GLRA1: variants seen among roughly 807,000 people sequenced by gnomAD.
GLRA1 encodes glycine receptor alpha 1.
A neutral mutation model predicts 48.3 loss-of-function variants in GLRA1; 37 were observed. The observed-to-expected ratio is 0.77, with a 90% CI of 0.59 to 1.01. The LOEUF (loss-of-function observed/expected upper bound fraction) is 1.01. GLRA1 is among the 50% of genes least tolerant of loss of function. The pLI is 0.00. For synonymous variants in GLRA1, 196 were observed against 210.7 expected, an observed-to-expected ratio of 0.93 and a Z score of 0.60; for missense variants, 427 against 571.0, an observed-to-expected ratio of 0.75 and a Z score of 2.57.
chr5:151,889,095 T>C (rs538309280), intron 2 of GLRA1, among the ~76,000 whole-genome samples: 3 of 152,342 alleles, frequency 2.0e-5, no homozygotes, highest in African/African-American at 7.2e-5. Context: ...TGTCTGGCAC[T>C]GTGACTCCCA....
chr5:151,862,094 T>TG (rs1753223067), intron 3 of GLRA1, among the ~76,000 whole-genome samples: 1 of 152,058 alleles, frequency 6.6e-6, no homozygotes, highest in African/African-American at 2.4e-5. Flanking sequence ...TATAGACCAA[T>TG]GGAACAGAAC....
chr5:151,880,033 G>C (rs954441340), intron 3 of GLRA1, among the ~76,000 whole-genome samples: 2 of 152,168 alleles, frequency 1.3e-5, no homozygotes, highest in Non-Finnish European at 2.9e-5. Context: ...TTTGCCTGCT[G>C]CCATCCACGT....
At chr5:151,922,243 C>A (rs1450550548) in intron 1 of GLRA1, among the ~76,000 whole-genome samples, 1 of 152,208 alleles carries the variant, frequency 6.6e-6, no homozygotes, top group African/African-American at 2.4e-5. Context: ...AGAGACCTGC[C>A]AGCCTCCATC....
chr5:151,893,694 C>A (rs1581651208), intron 1 of GLRA1, among the ~76,000 whole-genome samples: 1 of 152,046 alleles, frequency 6.6e-6, no homozygotes, highest in East Asian at 1.9e-4. Flanking sequence ...TGAACTCATT[C>A]TTTTTTATGG....
chr5:151,883,898 G>A (rs556509740), intron 3 of GLRA1, among the ~76,000 whole-genome samples: 12 of 152,326 alleles, frequency 7.9e-5, no homozygotes, highest in African/African-American at 2.6e-4. Flanking sequence ...TGCAGCAGAA[G>A]TGAAGTCTGG....
intron 3 of GLRA1, among the ~76,000 whole-genome samples, chr5:151,880,124 C>A (rs1264918904): frequency 1.3e-5 from 2 of 152,206 alleles, no homozygotes; most frequent in East Asian, 3.8e-4. Context: ...TCCATTTAAA[C>A]CTTTTCTTTT....
intron 8 of GLRA1, among the ~76,000 whole-genome samples, chr5:151,827,538 A>G (rs1763307760): frequency 6.6e-6 from 1 of 152,166 alleles, no homozygotes; most frequent in Admixed American, 6.5e-5. Context: ...ATTTCCCTTT[A>G]TACGCATTTT....
chr5:151,876,199 G>A (rs897600140), intron 3 of GLRA1, among the ~76,000 whole-genome samples: 7 of 151,942 alleles, frequency 4.6e-5, no homozygotes, highest in East Asian at 1.9e-4. Context: ...CCTATACCCC[G>A]TTGCTGAAAC....
At chr5:151,923,641 C>T (rs558037070) in intron 1 of GLRA1, among the ~76,000 whole-genome samples, 1 of 152,302 alleles carries the variant, frequency 6.6e-6, no homozygotes, top group Admixed American at 6.5e-5. Context: ...TTCACTTCTA[C>T]TAACATAAGA....
chr5:151,883,961 TG>T (rs1753831867), intron 3 of GLRA1, among the ~76,000 whole-genome samples: 1 of 151,444 alleles, frequency 6.6e-6, no homozygotes, highest in Non-Finnish European at 1.5e-5. Context: ...GTTGTGGAGG[TG>T]GGAGTGGAGA....
At chr5:151,898,210 C>A (rs1444780135) in intron 1 of GLRA1, among the ~76,000 whole-genome samples, 1 of 151,586 alleles carries the variant, frequency 6.6e-6, no homozygotes, top group Non-Finnish European at 1.5e-5. Context: ...TATAATATTC[C>A]TTCTTTTTTT....
At chr5:151,872,802 G>A (rs1753521860) in intron 3 of GLRA1, among the ~76,000 whole-genome samples, 1 of 149,908 alleles carries the variant, frequency 6.7e-6, no homozygotes. Context: ...ATTTGGGATT[G>A]TGTAGAGAGT....
At chr5:151,843,207 AAAACTCCAGCT>A (rs1441617094) in intron 7 of GLRA1, among the ~76,000 whole-genome samples, 1 of 152,026 alleles carries the variant, frequency 6.6e-6, no homozygotes, top group Non-Finnish European at 1.5e-5. Flanking sequence ...ATTCTTTATT[AAAACTCCAGCT>A]ATTTTTTTCA....
rs1380455353 is a variant in GLRA1 at position 151,894,209 on chromosome 5, TC to T, written c.57-1772del. Among the ~76,000 whole-genome samples, 11 of 152,228 alleles carry T rather than the reference TC, an allele frequency of 7.2e-5. No individual in the cohort carries two copies. The East Asian group carries it at 1.9e-3, about 27-fold the overall frequency. ...CACCTAGTCATGCAGCGCATAATGT[TC>T]CCCAAGGATTTGTACCCAACCTGTC... On this transcript the variant is annotated intron_variant, in intron 1 of 8. Coordinates refer to ENST00000274576, the MANE Select transcript of GLRA1 (RefSeq NM_000171.4).
chr5:151,839,562 C>T (rs1404970125), intron 7 of GLRA1, among the ~76,000 whole-genome samples: 1 of 152,054 alleles, frequency 6.6e-6, no homozygotes, highest in Non-Finnish European at 1.5e-5. Flanking sequence ...TATTTGTGTG[C>T]CCCTAGCATT....
chr5:151,919,324 A>G (rs2113464341), intron 1 of GLRA1, among the ~76,000 whole-genome samples: 1 of 152,368 alleles, frequency 6.6e-6, no homozygotes, highest in South Asian at 2.1e-4. Context: ...AAACAGAATC[A>G]TTGATAAAAA....
Position 151,859,773 on chromosome 5 carries a change from G to C in GLRA1, c.476+12C>G. On this transcript the variant is annotated intron_variant, in intron 4 of 8. Transcript: ENST00000274576. ...TCTGAGCAGGGAGTGGGTGAACCTG[G>C]TCAGAACTCACCTGATGCTGTAGAG... 1.3e-6 allele frequency: 2 copies of C among 1,576,210 alleles called. No individual in the cohort carries two copies. The highest frequency in any genetic ancestry group is 1.7e-6 in the Non-Finnish European group (2 of 1,145,418).
chr5:151,898,841 T>C (rs1754291017), intron 1 of GLRA1, among the ~76,000 whole-genome samples: 1 of 152,136 alleles, frequency 6.6e-6, no homozygotes, highest in Admixed American at 6.5e-5. Flanking sequence ...CAACTACACT[T>C]GGTGAGAGGA....
chr5:151,895,666 G>A (rs1754211255), intron 1 of GLRA1, among the ~76,000 whole-genome samples: 1 of 148,526 alleles, frequency 6.7e-6, no homozygotes, highest in Non-Finnish European at 1.5e-5. Context: ...TGTGTTTGAA[G>A]CAGTTCAGAG....
Sources: allele counts gnomAD v4.1 joint callset (sites outside exome capture counted in the v4.1 genomes callset), GRCh38; gene constraint gnomAD v4.1.1; transcripts MANE v1.5; gene names NCBI Gene and HGNC (gene_info 2026-07-23, HGNC 2026-07-21).